The following JPH1 variants were observed in gnomAD, a reference collection of about 807,000 sequenced individuals.
The protein encoded by JPH1 is junctophilin-1.
In JPH1, 12 loss-of-function variants were observed where a neutral mutation model predicts 53.6. The observed-to-expected ratio is 0.22, with a 90% CI of 0.14 to 0.36. The LOEUF (loss-of-function observed/expected upper bound fraction) is 0.36. JPH1 is among the 10% of genes least tolerant of loss of function. The pLI, the probability that JPH1 is intolerant of heterozygous loss-of-function variation, is 1.00. For synonymous variants in JPH1, 375 were observed against 363.8 expected, an observed-to-expected ratio of 1.03 and a Z score of -0.35; for missense variants, 808 against 905.5, an observed-to-expected ratio of 0.89 and a Z score of 1.38.
intron 2 of JPH1, among the ~76,000 whole-genome samples, chr8:74,281,567 T>C (rs58500346): frequency 1.3e-5 from 2 of 152,358 alleles, no homozygotes; most frequent in East Asian, 1.9e-4. Context: ...ATGTTTGATA[T>C]GAACATTTCA....
chr8:74,304,330 A>G (rs115774099), intron 2 of JPH1, among the ~76,000 whole-genome samples: 144 of 152,350 alleles, frequency 9.5e-4, no homozygotes, highest in African/African-American at 3.4e-3. Context: ...CTGGGCTACC[A>G]TCACCCCTTC....
At chr8:74,303,967 A>T (rs539845798) in intron 2 of JPH1, among the ~76,000 whole-genome samples, 2 of 152,212 alleles carry the variant, frequency 1.3e-5, no homozygotes, top group South Asian at 4.2e-4. Context: ...CTCTTTCCCA[A>T]CCACAATGTA....
chr8:74,285,045 G>C (rs568524977), intron 2 of JPH1, among the ~76,000 whole-genome samples: 1 of 151,932 alleles, frequency 6.6e-6, no homozygotes, highest in African/African-American at 2.4e-5. Flanking sequence ...GGCTGGTCTC[G>C]AACTCCTGAC....
chr8:74,285,102 C>T (rs747658328), intron 2 of JPH1, among the ~76,000 whole-genome samples: 3 of 152,008 alleles, frequency 2.0e-5, no homozygotes, highest in Non-Finnish European at 2.9e-5. Context: ...GGATTACAGG[C>T]GTGAGCCACT....
intron 2 of JPH1, among the ~76,000 whole-genome samples, chr8:74,270,395 CTATTT>C (rs1327841519): frequency 1.1e-4 from 16 of 152,026 alleles, no homozygotes; most frequent in African/African-American, 3.6e-4. Context: ...TTGAGTTTAC[CTATTT>C]TTAGCATTTG....
intron 2 of JPH1, among the ~76,000 whole-genome samples, chr8:74,272,460 G>A (rs558242152): frequency 6.6e-6 from 1 of 152,118 alleles, no homozygotes; most frequent in Non-Finnish European, 1.5e-5. Context: ...GCTGGCAACA[G>A]TAAATTATAA....
At chr8:74,319,226 A>G (rs1808245059) in intron 1 of JPH1, among the ~76,000 whole-genome samples, 1 of 152,240 alleles carries the variant, frequency 6.6e-6, no homozygotes, top group Admixed American at 6.5e-5. Flanking sequence ...AATGAATAGT[A>G]TCTTTAAAAG....
At chr8:74,291,393 C>T (rs55817670) in intron 2 of JPH1, among the ~76,000 whole-genome samples, 40,793 of 152,028 alleles carry the variant, frequency 0.27, 5,575 homozygotes, top group Middle Eastern at 0.31. Flanking sequence ...TCATCACTGG[C>T]CATCAGAGAA....
At chr8:74,267,213 G>A (rs1470853103) in intron 2 of JPH1, among the ~76,000 whole-genome samples, 1 of 152,144 alleles carries the variant, frequency 6.6e-6, no homozygotes. Context: ...AACTGTGAGC[G>A]TCATGTCACA....
At position 74,234,729 on chromosome 8, in the gene JPH1, A is replaced by G. The variant is rs1806949625; in HGVS notation, c.*2322T>C. ...TTAATAACCAACTTTTTTTTATTAG[A>G]GCAGATACAGTTGTGAAAACTGTAC... is the stretch of plus-strand genomic sequence containing the variant. On this transcript the variant is annotated 3_prime_UTR_variant, in exon 6 of 6. Coordinates refer to ENST00000342232, the MANE Select transcript of JPH1 (RefSeq NM_020647.4). 1 of 152,628 alleles carries G rather than the reference A, an allele frequency of 6.6e-6. No individual in the cohort carries two copies. The highest frequency in any genetic ancestry group is 2.4e-5 in the African/African-American group (1 of 41,462). 9.5% of individuals were successfully genotyped at this position (152,628 alleles called of 1,614,324 possible). A position where few individuals can be genotyped will look rare whatever the true frequency, so the allele number is the denominator to read the frequency against.
At chr8:74,290,339 A>G (rs1291214436) in intron 2 of JPH1, among the ~76,000 whole-genome samples, 1 of 152,086 alleles carries the variant, frequency 6.6e-6, no homozygotes, top group East Asian at 1.9e-4. Context: ...TATACACAAT[A>G]ACAGACAGAG....
intron 2 of JPH1, among the ~76,000 whole-genome samples, chr8:74,312,190 C>T (rs539266491): frequency 4.6e-5 from 7 of 152,178 alleles, no homozygotes; most frequent in Admixed American, 6.5e-5. Context: ...TTGTGTCATC[C>T]GAACAGTATT....
At chr8:74,269,372 C>T (rs907298841) in intron 2 of JPH1, among the ~76,000 whole-genome samples, 1 of 151,620 alleles carries the variant, frequency 6.6e-6, no homozygotes, top group Non-Finnish European at 1.5e-5. Context: ...GTTATTCTCT[C>T]AGTGAACTTG....
chr8:74,242,089 C>G (rs1805712849), intron 4 of JPH1, among the ~76,000 whole-genome samples: 5 of 152,096 alleles, frequency 3.3e-5, no homozygotes, highest in Admixed American at 3.3e-4. Context: ...AGAAAGTAAT[C>G]AATGCCACAG....
At chr8:74,318,425 T>C (rs1036806679) in intron 1 of JPH1, among the ~76,000 whole-genome samples, 22 of 152,276 alleles carry the variant, frequency 1.4e-4, no homozygotes, top group African/African-American at 5.3e-4. Context: ...TAACAAAACG[T>C]TGTGTTTTCC....
intron 2 of JPH1, among the ~76,000 whole-genome samples, chr8:74,278,970 AAC>A (rs966960612): frequency 1.2e-4 from 18 of 147,402 alleles, no homozygotes; most frequent in African/African-American, 4.1e-4. Context: ...CACACACAGA[AAC>A]ACACACGCAC....
chr8:74,270,393 A>G (rs1806664366), intron 2 of JPH1, among the ~76,000 whole-genome samples: 1 of 152,206 alleles, frequency 6.6e-6, no homozygotes, highest in South Asian at 2.1e-4. Context: ...TGTTGAGTTT[A>G]CCTATTTTTA....
At chr8:74,319,596 T>C (rs181131144) in intron 1 of JPH1, among the ~76,000 whole-genome samples, 45 of 152,374 alleles carry the variant, frequency 3.0e-4, no homozygotes, top group African/African-American at 1.0e-3. Context: ...TAGCAAGTTC[T>C]ACCATTCTGC....
intron 1 of JPH1, among the ~76,000 whole-genome samples, chr8:74,316,759 TAAA>T (rs1298972412): frequency 1.3e-5 from 2 of 152,202 alleles, no homozygotes; most frequent in East Asian, 3.8e-4. Context: ...TGCTACTAAA[TAAA>T]TAAGCAAAGA....
Sources: allele counts gnomAD v4.1 joint callset (sites outside exome capture counted in the v4.1 genomes callset), GRCh38; gene constraint gnomAD v4.1.1; transcripts MANE v1.5; gene names NCBI Gene and HGNC (gene_info 2026-07-23, HGNC 2026-07-21).